The following OR2L13 variants were observed in gnomAD, a reference collection of about 807,000 sequenced individuals.
The protein encoded by OR2L13 is olfactory receptor family 2 subfamily L member 13.
In OR2L13, 14 loss-of-function variants were observed where a neutral mutation model predicts 15.3. The observed-to-expected ratio is 0.91, with a 90% CI of 0.60 to 1.43. The LOEUF is 1.43. OR2L13 is among the 40% of genes most tolerant of loss of function. The probability of loss-of-function intolerance (pLI) is 0.00; values close to 1 mark genes in which losing one functional copy is unlikely to be tolerated. For synonymous variants in OR2L13, 152 were observed against 142.9 expected (o/e 1.06, Z -0.45); for missense variants, 367 against 387.9 (o/e 0.95, Z 0.45).
At chr1:248,044,809 C>CAA in the OR2L13 span, among the ~76,000 whole-genome samples, 96 of 8,084 alleles carry the variant, frequency 0.012, 12 homozygotes, top group Admixed American at 0.023. Context: ...AACTCCGTCT[C>CAA]AAAAAAAAAA....
At chr1:248,030,970 A>G in the OR2L13 span, among the ~76,000 whole-genome samples, 3 of 152,206 alleles carry the variant, frequency 2.0e-5, no homozygotes, top group South Asian at 4.1e-4. Flanking sequence ...CCTGTGTATA[A>G]CATCATTAAT....
the OR2L13 span, among the ~76,000 whole-genome samples, chr1:247,996,618 C>T: frequency 6.6e-6 from 1 of 152,128 alleles, no homozygotes; most frequent in East Asian, 1.9e-4. Flanking sequence ...TGACTTATAT[C>T]CCCCATATTT....
the OR2L13 span, among the ~76,000 whole-genome samples, chr1:248,027,574 CTCTT>C: frequency 1.3e-5 from 2 of 152,146 alleles, no homozygotes; most frequent in Non-Finnish European, 2.9e-5. Flanking sequence ...TAAAATTTCT[CTCTT>C]TGTCCTCTGT....
chr1:248,084,401 G>A, the OR2L13 span: 2 of 1,612,492 alleles, frequency 1.2e-6, no homozygotes, highest in Non-Finnish European at 8.5e-7. Context: ...CGTCCATGAG[G>A]GAGAGTTGGC....
At chr1:248,049,484 C>T in the OR2L13 span, among the ~76,000 whole-genome samples, 1 of 152,072 alleles carries the variant, frequency 6.6e-6, no homozygotes, top group Admixed American at 6.6e-5. Flanking sequence ...TAACTGAATT[C>T]TTCCAGTAGG....
the OR2L13 span, chr1:248,038,628 C>A: frequency 6.2e-7 from 1 of 1,614,114 alleles, no homozygotes; most frequent in East Asian, 2.2e-5. Flanking sequence ...GGCCTATGAT[C>A]GTTATGTGGC....
At chr1:248,004,152 A>C in the OR2L13 span, 1 of 1,153,486 alleles carries the variant, frequency 8.7e-7, no homozygotes, top group East Asian at 2.5e-5. Context: ...TTTCATTCCT[A>C]GAGTTCAGGA....
the OR2L13 span, among the ~76,000 whole-genome samples, chr1:248,057,547 T>G: frequency 4.6e-5 from 7 of 152,198 alleles, no homozygotes; most frequent in Non-Finnish European, 1.0e-4. Context: ...ATAAGATGTG[T>G]CTCTTGAATA....
At chr1:248,067,441 T>C in the OR2L13 span, among the ~76,000 whole-genome samples, 1 of 152,192 alleles carries the variant, frequency 6.6e-6, no homozygotes, top group African/African-American at 2.4e-5. Flanking sequence ...AAATATTTGG[T>C]GTAATTATTT....
chr1:248,005,968 C>A, the OR2L13 span, among the ~76,000 whole-genome samples: 7 of 152,282 alleles, frequency 4.6e-5, no homozygotes, highest in East Asian at 1.2e-3. Context: ...ACAAAGTTTA[C>A]TGCCTAAACT....
At chr1:248,033,858 A>G in the OR2L13 span, among the ~76,000 whole-genome samples, 3 of 152,152 alleles carry the variant, frequency 2.0e-5, no homozygotes, top group Admixed American at 6.5e-5. Flanking sequence ...CCTCTTCAAC[A>G]TAGTATTGGA....
chr1:247,990,419 C>T, the OR2L13 span: 3 of 1,584,032 alleles, frequency 1.9e-6, no homozygotes, highest in Non-Finnish European at 1.7e-6. Context: ...TCTTCTTGGA[C>T]ATCCATCTCC....
chr1:247,960,613 T>C, the OR2L13 span, among the ~76,000 whole-genome samples: 65 of 152,210 alleles, frequency 4.3e-4, 1 homozygote, highest in East Asian at 0.012. Context: ...TGGCTGCTTT[T>C]TTTTACCTAC....
the OR2L13 span, among the ~76,000 whole-genome samples, chr1:247,947,218 T>C: frequency 5.3e-5 from 8 of 152,364 alleles, no homozygotes; most frequent in African/African-American, 1.9e-4. Flanking sequence ...TAACAGATCA[T>C]ACATCTCTGA....
chr1:248,019,811 C>A, the OR2L13 span, among the ~76,000 whole-genome samples: 1 of 151,694 alleles, frequency 6.6e-6, no homozygotes, highest in South Asian at 2.1e-4. Flanking sequence ...GTTTGAGACA[C>A]GGTCTCACTC....
At chr1:248,071,565 A>G in the OR2L13 span, among the ~76,000 whole-genome samples, 1 of 152,186 alleles carries the variant, frequency 6.6e-6, no homozygotes, top group South Asian at 2.1e-4. Flanking sequence ...GAAAACTGGC[A>G]CAAGACAGGG....
chr1:248,068,316 C>T, the OR2L13 span, among the ~76,000 whole-genome samples: 1 of 151,966 alleles, frequency 6.6e-6, no homozygotes. Flanking sequence ...GAGGAATGAT[C>T]AGACAGCAGT....
the OR2L13 span, among the ~76,000 whole-genome samples, chr1:248,051,758 G>A: frequency 6.7e-6 from 1 of 148,794 alleles, no homozygotes; most frequent in East Asian, 2.0e-4. Flanking sequence ...CTGTTCAAGT[G>A]TCTGCTTTTA....
the OR2L13 span, among the ~76,000 whole-genome samples, chr1:247,941,721 G>T: frequency 1.3e-5 from 2 of 152,124 alleles, no homozygotes; most frequent in African/African-American, 4.8e-5. Context: ...GACAAGCATT[G>T]GTACCTATAG....
Sources: gnomAD v4.1 joint callset for allele counts (sites outside exome capture counted in the v4.1 genomes callset) on GRCh38, gnomAD v4.1.1 for gene constraint, MANE v1.5 for transcripts, NCBI Gene and HGNC (gene_info 2026-07-23, HGNC 2026-07-21) for gene names.